The following HS3ST4 variants were observed in gnomAD, a reference collection of about 807,000 sequenced individuals.
HS3ST4 encodes heparan sulfate-glucosamine 3-sulfotransferase 4.
A neutral mutation model predicts 29.2 loss-of-function variants in HS3ST4; 17 were observed. That is an observed-to-expected ratio of 0.58 (90% CI 0.40 to 0.87). The LOEUF is 0.87. Among genes scored for constraint, HS3ST4 ranks in the 40% least tolerant of loss-of-function variants. The probability of loss-of-function intolerance (pLI) is 0.00; values close to 1 mark genes in which losing one functional copy is unlikely to be tolerated. For missense variants in HS3ST4, 627 were observed against 634.5 expected (o/e 0.99, Z 0.13); for synonymous variants, 314 against 285.7 (o/e 1.10, Z -1.00).
chr16:25,912,891 G>A (rs11074732), intron 1 of HS3ST4, among the ~76,000 whole-genome samples: 106,655 of 152,100 alleles, frequency 0.7, 38,368 homozygotes, highest in African/African-American at 0.86. Flanking sequence ...TGTCAGTTCT[G>A]TTTTGGTGCC....
At chr16:25,767,930 T>G (rs1288102534) in intron 1 of HS3ST4, among the ~76,000 whole-genome samples, 1 of 152,220 alleles carries the variant, frequency 6.6e-6, no homozygotes, top group Non-Finnish European at 1.5e-5. Context: ...TCCCTGGCAC[T>G]GTGCCACCCC....
At chr16:26,024,468 A>G (rs1341455345) in intron 1 of HS3ST4, among the ~76,000 whole-genome samples, 1 of 152,126 alleles carries the variant, frequency 6.6e-6, no homozygotes, top group Non-Finnish European at 1.5e-5. Flanking sequence ...GCAGTAGCTT[A>G]CACCTGTAAT....
chr16:26,069,996 G>C (rs769167051), intron 1 of HS3ST4, among the ~76,000 whole-genome samples: 2 of 152,026 alleles, frequency 1.3e-5, no homozygotes, highest in Non-Finnish European at 2.9e-5. Context: ...TTGCTATTGC[G>C]AATAGTGCCA....
In HS3ST4 at chr16:25,859,202, T is replaced by C. The variant is rs186242097; in HGVS notation, c.734+166051T>C. ...CTAGCATTTTTAAGAAAAGGTATGTTTGGCAAGACAGAAAATAAAAATACA... is the reference window on the plus strand; with the variant it reads ...CTAGCATTTTTAAGAAAAGGTATGTCTGGCAAGACAGAAAATAAAAATACA... On this transcript the variant is annotated intron_variant, in intron 1 of 1. Coordinates refer to ENST00000331351, the MANE Select transcript of HS3ST4 (RefSeq NM_006040.3). Among the ~76,000 whole-genome samples, 13 of 152,312 alleles carry C rather than the reference T, an allele frequency of 8.5e-5. No individual in the cohort carries two copies. The East Asian group carries it at 2.5e-3, about 29-fold the overall frequency.
intron 1 of HS3ST4, among the ~76,000 whole-genome samples, chr16:25,985,442 G>T (rs1969052263): frequency 6.6e-6 from 1 of 152,122 alleles, no homozygotes; most frequent in Non-Finnish European, 1.5e-5. Context: ...AAAGCAGCTT[G>T]CTTGAGATCA....
chr16:25,707,670 C>G (rs1966384754), intron 1 of HS3ST4, among the ~76,000 whole-genome samples: 1 of 152,160 alleles, frequency 6.6e-6, no homozygotes, highest in Admixed American at 6.5e-5. Context: ...GGATCTGACC[C>G]CTATTCACTG....
At chr16:25,778,060 C>G (rs920097088) in intron 1 of HS3ST4, among the ~76,000 whole-genome samples, 4 of 151,818 alleles carry the variant, frequency 2.6e-5, no homozygotes, top group South Asian at 2.1e-4. Flanking sequence ...GGGTGGGTGA[C>G]TTATTTTTCA....
intron 1 of HS3ST4, among the ~76,000 whole-genome samples, chr16:26,078,254 G>A (rs1898688329): frequency 6.6e-6 from 1 of 152,076 alleles, no homozygotes; most frequent in African/African-American, 2.4e-5. Context: ...CTATTCTTCT[G>A]CCTCAGCCTC....
At chr16:25,725,126 T>G (rs1439226551) in intron 1 of HS3ST4, among the ~76,000 whole-genome samples, 3 of 152,032 alleles carry the variant, frequency 2.0e-5, no homozygotes, top group African/African-American at 7.2e-5. Flanking sequence ...ACTACTATTT[T>G]TGTTTTTCAT....
chr16:25,864,518 G>A (rs957368248), intron 1 of HS3ST4, among the ~76,000 whole-genome samples: 4 of 151,960 alleles, frequency 2.6e-5, no homozygotes, highest in Non-Finnish European at 4.4e-5. Flanking sequence ...GCTGACACTT[G>A]GTCCCCTTTA....
intron 1 of HS3ST4, among the ~76,000 whole-genome samples, chr16:25,856,772 C>T (rs759765510): frequency 6.6e-5 from 10 of 152,158 alleles, no homozygotes; most frequent in Admixed American, 4.6e-4. Context: ...TCTTTCAACC[C>T]CCATGCCTTA....
intron 1 of HS3ST4, among the ~76,000 whole-genome samples, chr16:25,862,271 C>T (rs1006292709): frequency 6.6e-6 from 1 of 152,076 alleles, no homozygotes; most frequent in African/African-American, 2.4e-5. Context: ...CAGCTCACTG[C>T]ATCCTCCACC....
chr16:26,106,473 G>A (rs1467062572), intron 1 of HS3ST4, among the ~76,000 whole-genome samples: 2 of 152,214 alleles, frequency 1.3e-5, no homozygotes. Flanking sequence ...ATGTGCGTAA[G>A]TTGAAGGAAA....
chr16:25,791,468 G>A (rs1966868962), intron 1 of HS3ST4, among the ~76,000 whole-genome samples: 1 of 152,016 alleles, frequency 6.6e-6, no homozygotes, highest in Admixed American at 6.5e-5. Flanking sequence ...AATTTGATTG[G>A]AATTACCCCC....
chr16:26,094,953 G>C (rs1044586796), intron 1 of HS3ST4, among the ~76,000 whole-genome samples: 1 of 143,292 alleles, frequency 7.0e-6, no homozygotes, highest in African/African-American at 2.5e-5. Flanking sequence ...AAAAAAAGCA[G>C]GGGTTGCAAT....
chr16:26,054,212 A>G (rs1358292844), intron 1 of HS3ST4, among the ~76,000 whole-genome samples: 1 of 150,890 alleles, frequency 6.6e-6, no homozygotes, highest in African/African-American at 2.4e-5. Context: ...GACTGGTTGG[A>G]TTTACATCAT....
At chr16:25,751,565 C>T (rs1224132952) in intron 1 of HS3ST4, among the ~76,000 whole-genome samples, 1 of 152,104 alleles carries the variant, frequency 6.6e-6, no homozygotes, top group Non-Finnish European at 1.5e-5. Context: ...TGTTTGGAGT[C>T]CCCTTTCAGG....
At chr16:25,729,754 G>A (rs1328434046) in intron 1 of HS3ST4, among the ~76,000 whole-genome samples, 1 of 152,136 alleles carries the variant, frequency 6.6e-6, no homozygotes. Context: ...TTCACTGCTC[G>A]TGGTATAATA....
intron 1 of HS3ST4, among the ~76,000 whole-genome samples, chr16:25,833,239 G>GT (rs1342590051): frequency 1.3e-5 from 2 of 152,008 alleles, no homozygotes; most frequent in East Asian, 1.9e-4. Context: ...TTAGGATTCC[G>GT]TTTTTTTATG....
Sources: allele counts gnomAD v4.1 joint callset (sites outside exome capture counted in the v4.1 genomes callset), GRCh38; gene constraint gnomAD v4.1.1; transcripts MANE v1.5; gene names NCBI Gene and HGNC (gene_info 2026-07-23, HGNC 2026-07-21).